DNAI7: variants seen among roughly 807,000 people sequenced by gnomAD.
DNAI7 encodes dynein axonemal intermediate chain 7.
In DNAI7, 78 loss-of-function variants were observed where a neutral mutation model predicts 86.6. The observed-to-expected ratio is 0.90, with a 90% confidence interval of 0.75 to 1.09. The LOEUF (loss-of-function observed/expected upper bound fraction) is 1.09, where lower values mean the gene tolerates loss of function less well. Ranked by LOEUF, DNAI7 falls within the 50% of genes least tolerant of loss-of-function variation. The probability of loss-of-function intolerance (pLI) is 0.00; values close to 1 mark genes in which losing one functional copy is unlikely to be tolerated. For synonymous variants in DNAI7, 274 were observed against 273.0 expected, an observed-to-expected ratio of 1.00 and a Z score of -0.04; for missense variants, 753 against 810.2, an observed-to-expected ratio of 0.93 and a Z score of 0.86.
intron 9 of DNAI7, among the ~76,000 whole-genome samples, chr12:25,138,739 C>T (rs1943833659): frequency 6.6e-6 from 1 of 151,622 alleles, no homozygotes; most frequent in South Asian, 2.1e-4. Flanking sequence ...TATTAAATAC[C>T]TAAATCAAAA....
chr12:25,145,842 G>A (rs536887660), intron 8 of DNAI7, among the ~76,000 whole-genome samples: 9 of 152,262 alleles, frequency 5.9e-5, no homozygotes, highest in East Asian at 1.9e-4. Flanking sequence ...ATTTGCCATC[G>A]TCACTGTCAT....
rs1946035452 is a variant in DNAI7 at position 25,155,344 on chromosome 12, C to A, written c.267G>T (p.Glu89Asp). 5 of 1,605,734 alleles carry A rather than the reference C, an allele frequency of 3.1e-6. No individual in the cohort carries two copies. In the East Asian group the frequency reaches 1.1e-4, roughly 36 times the overall value. ...YLLERCFPEA[E>D]KLKQETKLLS... ...GCAATTTAGTTTCCTGTTTCAATTT[C>A]TCTGCTTCAGGAAAACACCTCTCTA... The change falls in exon 5 of 16, where the codon GAG becomes GAT. Residue 89 changes from glutamate to aspartate, a missense_variant. By Grantham distance (45) the Glu-to-Asp change is conservative (BLOSUM62 2). Coordinates refer to ENST00000395987, the MANE Select transcript of DNAI7 (RefSeq NM_018272.5).
chr12:25,186,533 T>C (rs1950053575), intron 2 of DNAI7, among the ~76,000 whole-genome samples: 1 of 152,148 alleles, frequency 6.6e-6, no homozygotes, highest in Non-Finnish European at 1.5e-5. Flanking sequence ...TGTGTATAAA[T>C]TCACAATATC....
At chr12:25,185,658 G>T in intron 2 of DNAI7, 1 of 387,934 alleles carries the variant, frequency 2.6e-6, no homozygotes, top group Non-Finnish European at 3.5e-6. Context: ...CTCATATATT[G>T]TTTTTAAAAG....
chr12:25,158,409 T>A, intron 4 of DNAI7, 63 bp downstream of exon 4: 1 of 1,331,718 alleles, frequency 7.5e-7, no homozygotes, highest in Non-Finnish European at 1.1e-6. Context: ...GGACATTAAA[T>A]GACAATAAAT....
At position 25,116,084 on chromosome 12, in the gene DNAI7, CT is replaced by C. The variant is rs35310438; in HGVS notation, c.1397-1215del. Among the ~76,000 whole-genome samples the C allele has an allele frequency of 2.4e-3, 338 of 138,060 alleles. 1 individual carries two copies. The highest frequency in any genetic ancestry group is 0.012 in the East Asian group (56 of 4,762). The allele number at this position is 138,060 out of a possible 152,430, so 90.6% of individuals were successfully genotyped here. On this transcript the variant is annotated intron_variant, in intron 12 of 15. Transcript: ENST00000395987. ...GCCTCATTTATCTCTGTATTTCTTT[CT>C]TTTTTTTTTTTTTTGGTTGGGGGGA...
At chr12:25,150,989 T>G (rs1305835996) in intron 6 of DNAI7, among the ~76,000 whole-genome samples, 1 of 152,246 alleles carries the variant, frequency 6.6e-6, no homozygotes, top group East Asian at 1.9e-4. Context: ...ATTGTTACTG[T>G]GCATATTTTA....
At chr12:25,151,806 T>A (rs542406654) in intron 6 of DNAI7, among the ~76,000 whole-genome samples, 16 of 152,298 alleles carry the variant, frequency 1.1e-4, no homozygotes, top group Middle Eastern at 3.4e-3. Flanking sequence ...CAAATCACAA[T>A]CTATGTTTAT....
At chr12:25,111,043 TACAC>T (rs1300679438) in intron 14 of DNAI7, among the ~76,000 whole-genome samples, 1 of 152,136 alleles carries the variant, frequency 6.6e-6, no homozygotes, top group Admixed American at 6.6e-5. Flanking sequence ...TATATGTACA[TACAC>T]TTATTTCTAA....
At chr12:25,163,176 T>C (rs1184828838) in intron 2 of DNAI7, among the ~76,000 whole-genome samples, 2 of 152,108 alleles carry the variant, frequency 1.3e-5, no homozygotes, top group Admixed American at 1.3e-4. Context: ...ACAAAGAGCA[T>C]GATGAAAGCA....
intron 1 of DNAI7, chr12:25,194,784 T>C (rs1592773458): frequency 8.4e-7 from 1 of 1,195,074 alleles, no homozygotes; most frequent in Non-Finnish European, 1.2e-6. Context: ...TGAAAGTTAC[T>C]AGGTTGGGAC....
At chr12:25,126,715 T>C (rs1942187558) in intron 9 of DNAI7, among the ~76,000 whole-genome samples, 1 of 152,198 alleles carries the variant, frequency 6.6e-6, no homozygotes, top group Non-Finnish European at 1.5e-5. Context: ...GAGGTGCCTG[T>C]GGGATAGCCA....
chr12:25,129,761 A>T (rs12582313), intron 9 of DNAI7, among the ~76,000 whole-genome samples: 9 of 71,816 alleles, frequency 1.3e-4, no homozygotes, highest in South Asian at 5.3e-4. Context: ...TTTTTATTTT[A>T]TTTTTATTTT....
At chr12:25,167,613 A>G (rs2141105724) in intron 2 of DNAI7, among the ~76,000 whole-genome samples, 1 of 152,162 alleles carries the variant, frequency 6.6e-6, no homozygotes, top group South Asian at 2.1e-4. Flanking sequence ...CAGTGCCTAC[A>G]CAGCTGTCCC....
chr12:25,169,437 T>C (rs1947876717), intron 2 of DNAI7, among the ~76,000 whole-genome samples: 2 of 152,226 alleles, frequency 1.3e-5, no homozygotes, highest in Non-Finnish European at 2.9e-5. Context: ...GGACTCAGCC[T>C]ACCTGCATCC....
intron 2 of DNAI7, among the ~76,000 whole-genome samples, chr12:25,176,724 T>G (rs1021845429): frequency 1.3e-5 from 2 of 151,918 alleles, no homozygotes; most frequent in Non-Finnish European, 2.9e-5. Flanking sequence ...ACAGATAATC[T>G]CTGACTTTTG....
At chr12:25,163,048 G>A (rs1947011905) in intron 2 of DNAI7, among the ~76,000 whole-genome samples, 1 of 152,206 alleles carries the variant, frequency 6.6e-6, no homozygotes, top group South Asian at 2.1e-4. Flanking sequence ...CCCAAATACG[G>A]TGAGTGCCCC....
At chr12:25,168,153 C>T (rs958949139) in intron 2 of DNAI7, among the ~76,000 whole-genome samples, 3 of 152,190 alleles carry the variant, frequency 2.0e-5, no homozygotes, top group African/African-American at 7.2e-5. Context: ...GTACAAGACA[C>T]CTTTTTCAGC....
chr12:25,147,515 G>A (rs1381176693), intron 7 of DNAI7, among the ~76,000 whole-genome samples: 2 of 152,014 alleles, frequency 1.3e-5, no homozygotes, highest in African/African-American at 2.4e-5. Flanking sequence ...GGGTGTGGTG[G>A]TGTGCAACTG....
Sources: gnomAD v4.1 joint callset for allele counts (sites outside exome capture counted in the v4.1 genomes callset) on GRCh38, gnomAD v4.1.1 for gene constraint, MANE v1.5 for transcripts, NCBI Gene and HGNC (gene_info 2026-07-23, HGNC 2026-07-21) for gene names.